CRAT: variants seen among roughly 807,000 people sequenced by gnomAD.
CRAT encodes carnitine acetylase.
A neutral mutation model predicts 73.7 loss-of-function variants in CRAT; 66 were observed. The ratio of observed to expected loss-of-function variants is 0.90; its 90% confidence interval spans 0.73 to 1.10. The LOEUF (loss-of-function observed/expected upper bound fraction) is 1.10. Among genes scored for constraint, CRAT ranks in the 50% least tolerant of loss-of-function variants. The pLI is 0.00. For synonymous variants in CRAT, 321 were observed against 343.2 expected, an observed-to-expected ratio of 0.94 and a Z score of 0.71; for missense variants, 745 against 846.9, an observed-to-expected ratio of 0.88 and a Z score of 1.49.
chr9:129,104,852 C>A (rs1847912402), intron 2 of CRAT, among the ~76,000 whole-genome samples: 1 of 150,864 alleles, frequency 6.6e-6, no homozygotes, highest in Admixed American at 6.6e-5. Context: ...GATCCGCCCG[C>A]CTTGGCCTCC....
At chr9:129,099,769 A>G (rs1177673930) in intron 8 of CRAT, 97 bp downstream of exon 8, 2 of 986,536 alleles carry the variant, frequency 2.0e-6, no homozygotes, top group African/African-American at 1.6e-5. Context: ...TCCCAGGCAC[A>G]AAGGAGAGTG....
chr9:129,110,460 G>A lies in CRAT; in HGVS notation c.27+23C>T. The A allele has an allele frequency of 1.3e-6, 2 of 1,573,364 alleles. No individual in the cohort carries two copies. Among genetic ancestry groups the A allele is most frequent in the Non-Finnish European group, 1.7e-6 (2 of 1,167,442 alleles). ...CCGCCCAGGCCGTCCAGGGCCCTCA[G>A]GCCCGGGATCCGCCGCACTCACCAC... On this transcript the variant is annotated intron_variant, in intron 1 of 13. Coordinates refer to ENST00000318080, the MANE Select transcript of CRAT (RefSeq NM_000755.5). This position sits in a 1 kb window ranked among gnomAD's most constrained non-coding sequence, Gnocchi z 5.3.
At chr9:129,097,067 CAA>C (rs796548320) in intron 12 of CRAT, among the ~76,000 whole-genome samples, 181 bp downstream of exon 12, 5,911 of 113,198 alleles carry the variant, frequency 0.052, 377 homozygotes, top group African/African-American at 0.15. Flanking sequence ...GACTCCATCT[CAA>C]AAAAAAAAAA....
rs1438188571 is a variant in CRAT at position 129,107,606 on chromosome 9, C to A, written c.291+208G>T. 1.3e-6 allele frequency: 1 copy of A among 757,620 alleles called. No individual in the cohort carries two copies. Among genetic ancestry groups the A allele is most frequent in the Non-Finnish European group, 2.4e-6 (1 of 424,062 alleles). 46.9% of individuals were successfully genotyped at this position (757,620 alleles called of 1,614,324 possible). On this transcript the variant is annotated intron_variant, in intron 2 of 13. Transcript: ENST00000318080. The surrounding 1 kb of genome is among the most constrained non-coding windows in gnomAD (Gnocchi z 5.0). ...CCACAACCTGTATCCTGTTCATTAC[C>A]TTTCTCTCCTCCCTACTTGAATGTT...
rs1228612490 is a variant in CRAT at position 129,110,030 on chromosome 9, G to C, written c.27+453C>G. 6.6e-6 allele frequency among the ~76,000 whole-genome samples: 1 copy of C among 152,132 alleles called. No individual in the cohort carries two copies. The highest frequency in any genetic ancestry group is 1.5e-5 in the Non-Finnish European group (1 of 68,018). ...GCTTGATGCCTCCGCGTGTTTCTCTGGCCACACACAATTCCCCAGGGACCG... is the reference window on the plus strand; with the variant it reads ...GCTTGATGCCTCCGCGTGTTTCTCTCGCCACACACAATTCCCCAGGGACCG... On this transcript the variant is annotated intron_variant, in intron 1 of 13. Coordinates refer to ENST00000318080, the MANE Select transcript of CRAT (RefSeq NM_000755.5). The surrounding 1 kb of genome is among the most constrained non-coding windows in gnomAD (Gnocchi z 5.3).
intron 2 of CRAT, among the ~76,000 whole-genome samples, chr9:129,105,855 G>T (rs929955775): frequency 6.6e-6 from 1 of 152,060 alleles, no homozygotes; most frequent in South Asian, 2.1e-4. Context: ...TCTCTCTGGG[G>T]GGTGGGGGGT....
intron 1 of CRAT, chr9:129,108,621 G>C: frequency 1.8e-6 from 2 of 1,134,526 alleles, no homozygotes; most frequent in Non-Finnish European, 2.3e-6. Flanking sequence ...TGTGGCGAGA[G>C]AGCCGGGTGG....
At chr9:129,101,496 G>T (rs1298420716) in intron 6 of CRAT, among the ~76,000 whole-genome samples, 1 of 152,230 alleles carries the variant, frequency 6.6e-6, no homozygotes, top group Non-Finnish European at 1.5e-5. Context: ...CAGATGTGCA[G>T]GCTCCTAGTT....
At position 129,098,533 on chromosome 9, in the gene CRAT, G is replaced by A; in HGVS notation, c.1203C>T (p.Ser401=). 2.5e-6 allele frequency: 4 copies of A among 1,607,606 alleles called. No individual in the cohort carries two copies. The highest frequency in any genetic ancestry group is 3.4e-6 in the Non-Finnish European group (4 of 1,177,806). Residue 401 remains serine (S), a splice_region_variant and synonymous_variant, in exon 9 of 14, where the codon AGC becomes AGT. Coordinates refer to ENST00000318080, the MANE Select transcript of CRAT (RefSeq NM_000755.5). ...SDIEKAKQNL[S]IMIQDLDITV... ...GGATGGCGGGGGCAGGCACTTACAT[G>A]CTGAGGTTCTGCTTGGCCTTCTCGA... is the stretch of plus-strand genomic sequence containing the variant.
rs1380961366 is a variant in CRAT, at chr9:129,106,595, G to A, written c.291+1219C>T. The stretch of plus-strand genomic sequence containing the variant: ...GCTAAATGAAGTCGGAAAACCACCA[G>A]CCCCCAGACGCTCTAAGGACCTTTC... On this transcript the variant is annotated intron_variant, in intron 2 of 13. Transcript: ENST00000318080. This position sits in a 1 kb window ranked among gnomAD's most constrained non-coding sequence, Gnocchi z 4.0. Among the ~76,000 whole-genome samples, 3 of 152,056 alleles carry A rather than the reference G, an allele frequency of 2.0e-5. No homozygotes were observed. The highest frequency in any genetic ancestry group is 2.0e-4 in the Admixed American group (3 of 15,278).
At chr9:129,108,429 CAG>C in intron 1 of CRAT, 1 of 1,176,608 alleles carries the variant, frequency 8.5e-7, no homozygotes, top group Non-Finnish European at 1.1e-6. Flanking sequence ...AGCCAGCCAG[CAG>C]AGTGGTGACT....
rs544233664 is a variant in CRAT, at chr9:129,101,871, C to T, written c.805+12G>A. ...CTGGGTGTGCAGCCCCAGCACGGCC[C>T]CCAAGAGGCACCTTTGATGAGGGTG... On this transcript the variant is annotated intron_variant, in intron 6 of 13. Coordinates refer to ENST00000318080, the MANE Select transcript of CRAT (RefSeq NM_000755.5). 181 of 1,612,702 alleles carry T rather than the reference C, an allele frequency of 1.1e-4. No homozygotes were observed. In the South Asian group the frequency reaches 1.8e-3, roughly 16 times the overall value.
At chr9:129,102,682 C>T in intron 4 of CRAT, 117 bp from the exon 5 acceptor site, 1 of 1,186,080 alleles carries the variant, frequency 8.4e-7, no homozygotes, top group East Asian at 2.3e-5. Flanking sequence ...TGCTCCCACT[C>T]CCAGATGAGC....
rs1848346463 is a variant in CRAT, at chr9:129,110,395, C to G, written c.27+88G>C. 5.1e-6 allele frequency: 7 copies of G among 1,359,372 alleles called. No homozygotes were observed. In the East Asian group the frequency reaches 2.1e-4, roughly 40 times the overall value. The allele number at this position is 1,359,372 out of a possible 1,614,324, so 84.2% of individuals were successfully genotyped here. A position where few individuals can be genotyped will look rare whatever the true frequency, so the allele number is the denominator to read the frequency against. On this transcript the variant is annotated intron_variant, in intron 1 of 13. Transcript: ENST00000318080. This position sits in a 1 kb window ranked among gnomAD's most constrained non-coding sequence, Gnocchi z 5.3. ...GCTGGAGGCCGGGTCGAACAGCGGC[C>G]GCAGGACGCGGTCTCCGTTCCCGGA...
chr9:129,096,793 G>A (rs1473014087), intron 12 of CRAT, among the ~76,000 whole-genome samples: 1 of 152,248 alleles, frequency 6.6e-6, no homozygotes, highest in Non-Finnish European at 1.5e-5. Flanking sequence ...ATTTGGCCGG[G>A]CACGGTGGCT....
rs745764606 is a variant in CRAT at position 129,098,014 on chromosome 9, G to A, written c.1463C>T (p.Thr488Met). 45 of 1,613,150 alleles carry A rather than the reference G, an allele frequency of 2.8e-5. No individual in the cohort carries two copies. The highest frequency in any genetic ancestry group is 5.0e-5 in the Admixed American group (3 of 60,004). ...FVKAMDDSSV[T>M]EHQKVELLRK... ...CCACCCTCGCCCCAGACCTCTCACC[G>A]TGACGCTGGAGTCATCCATGGCCTT... Residue 488 changes from threonine to methionine, a missense_variant and splice_region_variant, in exon 11 of 14, where the codon ACG becomes ATG. Thr to Met is a moderately conservative substitution (Grantham distance 81). Coordinates refer to ENST00000318080, the MANE Select transcript of CRAT (RefSeq NM_000755.5).
intron 8 of CRAT, among the ~76,000 whole-genome samples, chr9:129,099,067 T>G (rs1306300458): frequency 6.6e-6 from 1 of 151,488 alleles, no homozygotes; most frequent in East Asian, 2.0e-4. Context: ...CTCCACCTCC[T>G]GGGTTCAAGT....
rs1396476003 is a variant in CRAT at position 129,095,487 on chromosome 9, C to T, written c.1791G>A (p.Glu597=). ...FSLSAYNSCA[E]TNAARLAHYL... ...AATGCGCCAGGCGGGCGGCGTTGGT[C>T]TCCGCGCAGCTGTTGTAGGCCGACA... Residue 597 remains glutamate, a synonymous_variant, in exon 14 of 14, where the codon GAG becomes GAA. Coordinates refer to ENST00000318080, the MANE Select transcript of CRAT (RefSeq NM_000755.5). 2 of 1,613,364 alleles carry T rather than the reference C, an allele frequency of 1.2e-6. No individual in the cohort carries two copies. Among genetic ancestry groups the T allele is most frequent in the Non-Finnish European group, 1.7e-6 (2 of 1,180,020 alleles).
intron 2 of CRAT, 28 bp from the exon 3 acceptor site, chr9:129,104,334 A>G (rs1847869590): frequency 6.3e-7 from 1 of 1,583,846 alleles, no homozygotes. Flanking sequence ...GCCTGTCAGG[A>G]GGGGTGCATG....
Sources: gnomAD v4.1 joint callset for allele counts (sites outside exome capture counted in the v4.1 genomes callset) on GRCh38, gnomAD v4.1.1 for gene constraint, Gnocchi (gnomAD v3.1) non-coding constraint, MANE v1.5 for transcripts, NCBI Gene and HGNC (gene_info 2026-07-23, HGNC 2026-07-21) for gene names.